Variants in AUTS2 observed in about 807,000 individuals in gnomAD.
AUTS2 encodes the protein autism susceptibility gene 2 protein.
AUTS2 carries 17 observed loss-of-function variants against 112.4 expected under a neutral mutation model. The observed-to-expected ratio is 0.15, with a 90% CI of 0.10 to 0.23. The LOEUF (loss-of-function observed/expected upper bound fraction) is 0.23. Ranked by LOEUF, AUTS2 falls within the 10% of genes least tolerant of loss-of-function variation. The pLI is 1.00. For synonymous variants in AUTS2, 751 were observed against 702.7 expected (o/e 1.07, Z -1.09); for missense variants, 1,510 against 1,701.6 (o/e 0.89, Z 1.98).
intron 6 of AUTS2, among the ~76,000 whole-genome samples, chr7:70,750,760 G>A (rs945130150): frequency 1.3e-5 from 2 of 152,192 alleles, no homozygotes; most frequent in Non-Finnish European, 2.9e-5. Context: ...TTTTCTAAAT[G>A]GGTCTCAGTG....
intron 4 of AUTS2, among the ~76,000 whole-genome samples, chr7:70,191,190 A>G (rs923376875): frequency 9.2e-6 from 1 of 109,228 alleles, no homozygotes; most frequent in African/African-American, 3.7e-5. Flanking sequence ...TTTTTTTGAG[A>G]CAGAGTCTCC....
intron 4 of AUTS2, among the ~76,000 whole-genome samples, chr7:70,329,901 G>A (rs1311526660): frequency 6.6e-6 from 1 of 152,008 alleles, no homozygotes; most frequent in African/African-American, 2.4e-5. Flanking sequence ...TTTGCTGTTG[G>A]GTGTGGGGTG....
chr7:70,730,411 C>A (rs1195361793), intron 6 of AUTS2, among the ~76,000 whole-genome samples: 2 of 152,050 alleles, frequency 1.3e-5, no homozygotes, highest in Non-Finnish European at 2.9e-5. Flanking sequence ...GCTTCTGTAC[C>A]CCTCATCCTC....
At chr7:69,968,374 TA>T (rs1322361242) in intron 2 of AUTS2, among the ~76,000 whole-genome samples, 1 of 152,236 alleles carries the variant, frequency 6.6e-6, no homozygotes, top group Non-Finnish European at 1.5e-5. Flanking sequence ...ATTTTGATGT[TA>T]AACAGTTCCA....
chr7:70,068,357 T>C (rs973351885), intron 2 of AUTS2, among the ~76,000 whole-genome samples: 1 of 151,676 alleles, frequency 6.6e-6, no homozygotes, highest in Non-Finnish European at 1.5e-5. Flanking sequence ...TTTTTTTTTT[T>C]GTATTTTTAG....
intron 6 of AUTS2, among the ~76,000 whole-genome samples, chr7:70,705,925 C>G (rs1437663198): frequency 1.3e-5 from 2 of 152,222 alleles, no homozygotes; most frequent in Non-Finnish European, 2.9e-5. Context: ...CCGAACAAGC[C>G]TCTCAGCATG....
intron 1 of AUTS2, among the ~76,000 whole-genome samples, chr7:69,854,200 T>G (rs766572521): frequency 3.3e-5 from 5 of 152,168 alleles, no homozygotes; most frequent in Non-Finnish European, 5.9e-5. Flanking sequence ...ACCAATGCCT[T>G]TCAGTGACTT....
chr7:70,010,855 A>C lies in AUTS2; in HGVS notation c.523-107277A>C, dbSNP rs187201917. On this transcript the variant is annotated intron_variant, in intron 2 of 18. Coordinates refer to ENST00000342771, the MANE Select transcript of AUTS2 (RefSeq NM_015570.4). ...ATTGCTTCTGTCATACTTCACCTGG[A>C]CATCTGTGGATTCTGGATATTAGAA... Among the ~76,000 whole-genome samples, 175 of 152,290 alleles carry C rather than the reference A, an allele frequency of 1.1e-3. 1 individual carries two copies. In the East Asian group the frequency reaches 0.013, roughly 11 times the overall value.
At chr7:70,487,471 C>T (rs1798057579) in intron 5 of AUTS2, among the ~76,000 whole-genome samples, 1 of 152,208 alleles carries the variant, frequency 6.6e-6, no homozygotes, top group Non-Finnish European at 1.5e-5. Flanking sequence ...CCTCCATCTG[C>T]CCTCATGGCT....
At chr7:70,765,146 C>A in intron 8 of AUTS2, 141 bp downstream of exon 8, 1 of 1,197,282 alleles carries the variant, frequency 8.4e-7, no homozygotes, top group Non-Finnish European at 1.2e-6. Context: ...CTCAAACGCT[C>A]TCTGGCCTGA....
intron 3 of AUTS2, among the ~76,000 whole-genome samples, chr7:70,133,417 T>C (rs575621338): frequency 6.6e-6 from 1 of 152,316 alleles, no homozygotes; most frequent in Non-Finnish European, 1.5e-5. Context: ...GTGCAAGTCA[T>C]TGTGTGAAGC....
At chr7:70,678,703 G>GT (rs1808054540) in intron 5 of AUTS2, among the ~76,000 whole-genome samples, 1 of 152,184 alleles carries the variant, frequency 6.6e-6, no homozygotes, top group Non-Finnish European at 1.5e-5. Flanking sequence ...GCTAAAGCAA[G>GT]TAAGTGCCTT....
At chr7:70,574,517 T>A (rs543001953) in intron 5 of AUTS2, among the ~76,000 whole-genome samples, 1 of 152,318 alleles carries the variant, frequency 6.6e-6, no homozygotes, top group African/African-American at 2.4e-5. Context: ...TTGGCCTACA[T>A]AGTACAAGCA....
chr7:70,420,162 T>C (rs1327556700), intron 4 of AUTS2, among the ~76,000 whole-genome samples: 1 of 152,202 alleles, frequency 6.6e-6, no homozygotes, highest in East Asian at 1.9e-4. Context: ...TTAAGAAATA[T>C]TTTGGATTTT....
chr7:70,423,158 G>C (rs1253493363), intron 4 of AUTS2, among the ~76,000 whole-genome samples: 1 of 152,174 alleles, frequency 6.6e-6, no homozygotes, highest in Admixed American at 6.5e-5. Context: ...AAGGGTGGTG[G>C]TCTGTTGGAT....
intron 5 of AUTS2, among the ~76,000 whole-genome samples, chr7:70,565,143 GTTTACC>G (rs1466633084): frequency 6.6e-6 from 1 of 152,016 alleles, no homozygotes; most frequent in Non-Finnish European, 1.5e-5. Context: ...CATAGTAATA[GTTTACC>G]TTTATTATCT....
intron 2 of AUTS2, among the ~76,000 whole-genome samples, chr7:70,032,989 A>G (rs1040870093): frequency 5.9e-5 from 9 of 152,172 alleles, no homozygotes; most frequent in Non-Finnish European, 1.2e-4. Context: ...GCAAATCTGT[A>G]GAGATGGAAA....
chr7:70,605,027 T>C (rs1040150196), intron 5 of AUTS2, among the ~76,000 whole-genome samples: 1 of 152,260 alleles, frequency 6.6e-6, no homozygotes, highest in Non-Finnish European at 1.5e-5. Flanking sequence ...TAATCTTTTC[T>C]TGTGGTAATG....
At chr7:70,474,524 G>A (rs1797508013) in intron 5 of AUTS2, among the ~76,000 whole-genome samples, 3 of 152,176 alleles carry the variant, frequency 2.0e-5, no homozygotes, top group Non-Finnish European at 2.9e-5. Context: ...TTGGCTTTTG[G>A]AAGTCTTTAT....
Sources: gnomAD v4.1 joint callset for allele counts (sites outside exome capture counted in the v4.1 genomes callset) on GRCh38, gnomAD v4.1.1 for gene constraint, MANE v1.5 for transcripts, NCBI Gene and HGNC (gene_info 2026-07-23, HGNC 2026-07-21) for gene names.